Variants in EML4 observed in about 807,000 individuals in gnomAD.
The protein encoded by EML4 is EMAP like 4.
EML4 carries 72 observed loss-of-function variants against 129.0 expected under a neutral mutation model. That is an observed-to-expected ratio of 0.56 (90% confidence interval 0.46 to 0.68). EML4 has a LOEUF of 0.68. Among genes scored for constraint, EML4 ranks in the 30% least tolerant of loss-of-function variants. The pLI is 0.00. For missense variants in EML4, 1,363 were observed against 1,190.6 expected (o/e 1.14, Z -2.13); for synonymous variants, 532 against 405.0 (o/e 1.31, Z -3.77).
At chr2:42,326,803 A>C (rs532243592) in intron 21 of EML4, among the ~76,000 whole-genome samples, 3 of 152,208 alleles carry the variant, frequency 2.0e-5, no homozygotes, top group African/African-American at 7.2e-5. Flanking sequence ...AACTGCTTGA[A>C]CCTGGGAGGC....
At chr2:42,324,970 A>G (rs1172998676) in intron 19 of EML4, among the ~76,000 whole-genome samples, 2 of 152,178 alleles carry the variant, frequency 1.3e-5, no homozygotes, top group African/African-American at 4.8e-5. Flanking sequence ...CTTTAGAGAT[A>G]GTCTTTCTAG....
chr2:42,283,553 CA>C (rs1246891179), intron 8 of EML4, among the ~76,000 whole-genome samples: 1 of 151,958 alleles, frequency 6.6e-6, no homozygotes, highest in Non-Finnish European at 1.5e-5. Flanking sequence ...CCCTTTTCCC[CA>C]CTTAGATCCA....
At chr2:42,243,095 T>C (rs1675147527) in intron 1 of EML4, among the ~76,000 whole-genome samples, 1 of 152,100 alleles carries the variant, frequency 6.6e-6, no homozygotes, top group South Asian at 2.1e-4. Flanking sequence ...CTAGTAGTAA[T>C]ATTTATACAA....
chr2:42,169,860 C>T (rs1670158240), intron 1 of EML4: 2 of 444,234 alleles, frequency 4.5e-6, no homozygotes, highest in Non-Finnish European at 7.9e-6. Context: ...CCTCCCGGAG[C>T]CCCTTTCAGT....
At chr2:42,196,025 A>C (rs2103930876) in intron 1 of EML4, among the ~76,000 whole-genome samples, 1 of 152,260 alleles carries the variant, frequency 6.6e-6, no homozygotes, top group South Asian at 2.1e-4. Flanking sequence ...GACCAGACTT[A>C]GATATAGTAT....
intron 1 of EML4, among the ~76,000 whole-genome samples, chr2:42,240,628 A>G (rs182324496): frequency 5.3e-5 from 8 of 152,350 alleles, no homozygotes; most frequent in African/African-American, 1.9e-4. Context: ...TGGACATATT[A>G]CAGCTTATTT....
At chr2:42,270,890 C>T (rs1340080084) in intron 6 of EML4, among the ~76,000 whole-genome samples, 1 of 152,052 alleles carries the variant, frequency 6.6e-6, no homozygotes, top group African/African-American at 2.4e-5. Context: ...ATTCTAAAAC[C>T]TATGTATTTT....
chr2:42,319,494 C>T (rs1008976234), intron 19 of EML4: 3 of 152,216 alleles, frequency 2.0e-5, no homozygotes, highest in Admixed American at 6.5e-5. Context: ...TTCAACTATT[C>T]TGCGTTCCTA....
chr2:42,300,056 A>G (rs567757075), intron 13 of EML4, among the ~76,000 whole-genome samples: 5 of 152,294 alleles, frequency 3.3e-5, no homozygotes, highest in Admixed American at 3.3e-4. Context: ...ATTCCTTTTT[A>G]TGGCTGAGTA....
intron 1 of EML4, among the ~76,000 whole-genome samples, chr2:42,209,579 T>A (rs1280963969): frequency 6.6e-6 from 1 of 152,176 alleles, no homozygotes; most frequent in Non-Finnish European, 1.5e-5. Flanking sequence ...ATTTTCCCAG[T>A]CTCTTAAAAC....
intron 13 of EML4, among the ~76,000 whole-genome samples, chr2:42,298,967 CTCTCAGAAAAT>C (rs1467522112): frequency 3.9e-5 from 6 of 152,174 alleles, no homozygotes; most frequent in Non-Finnish European, 8.8e-5. Context: ...GCCAGTAGTA[CTCTCAGAAAAT>C]TCTCATCTCT....
At chr2:42,314,088 GT>G (rs1669105715) in intron 17 of EML4, among the ~76,000 whole-genome samples, 1 of 152,144 alleles carries the variant, frequency 6.6e-6, no homozygotes, top group Non-Finnish European at 1.5e-5. Context: ...GCCGGGCATG[GT>G]GGCTCATGCC....
chr2:42,329,387 C>G (rs931908282), intron 22 of EML4, among the ~76,000 whole-genome samples: 2 of 152,136 alleles, frequency 1.3e-5, no homozygotes, highest in Non-Finnish European at 2.9e-5. Context: ...TCCTGTAATC[C>G]TACCAACATA....
intron 10 of EML4, among the ~76,000 whole-genome samples, chr2:42,287,716 T>A (rs1056089678): frequency 3.3e-5 from 5 of 152,218 alleles, no homozygotes; most frequent in African/African-American, 7.2e-5. Context: ...ATAATTTTAC[T>A]TAGGTTGTTT....
At chr2:42,230,072 G>T (rs1674233929) in intron 1 of EML4, among the ~76,000 whole-genome samples, 1 of 152,052 alleles carries the variant, frequency 6.6e-6, no homozygotes, top group South Asian at 2.1e-4. Context: ...AATAAAGGGG[G>T]TTCTTATCTT....
intron 3 of EML4, among the ~76,000 whole-genome samples, chr2:42,259,578 T>C (rs932600632): frequency 3.9e-5 from 6 of 152,156 alleles, no homozygotes; most frequent in Admixed American, 6.5e-5. Context: ...CCTTGTTGAC[T>C]GTCTTTCATA....
intron 1 of EML4, among the ~76,000 whole-genome samples, chr2:42,229,858 A>AG (rs1674214487): frequency 6.6e-6 from 1 of 151,962 alleles, no homozygotes; most frequent in African/African-American, 2.4e-5. Context: ...ATCCTGGCAG[A>AG]GGGGAAAGGA....
chr2:42,180,032 A>G (rs951704217), intron 1 of EML4, among the ~76,000 whole-genome samples: 9 of 152,228 alleles, frequency 5.9e-5, no homozygotes, highest in East Asian at 1.9e-4. Context: ...GGTGAAAGCT[A>G]TGTGGATATT....
At chr2:42,323,470 A>G (rs1669626029) in intron 19 of EML4, among the ~76,000 whole-genome samples, 1 of 152,238 alleles carries the variant, frequency 6.6e-6, no homozygotes, top group Non-Finnish European at 1.5e-5. Context: ...TATAATTTAA[A>G]TTGGTTTAAA....
Sources: gnomAD v4.1 joint callset for allele counts (sites outside exome capture counted in the v4.1 genomes callset) on GRCh38, gnomAD v4.1.1 for gene constraint, MANE v1.5 for transcripts, NCBI Gene and HGNC (gene_info 2026-07-23, HGNC 2026-07-21) for gene names.